RALGAPA1: variants seen among roughly 807,000 people sequenced by gnomAD.
RALGAPA1 encodes Ral GTPase activating protein catalytic subunit alpha 1, also known as ral GTPase-activating protein subunit alpha-1.
In RALGAPA1, 52 loss-of-function variants were observed where a neutral mutation model predicts 269.6. The ratio of observed to expected loss-of-function variants is 0.19; its 90% CI spans 0.15 to 0.24. RALGAPA1 has a LOEUF of 0.24. Among genes scored for constraint, RALGAPA1 ranks in the 10% least tolerant of loss-of-function variants. RALGAPA1 has a pLI of 1.00. For missense variants in RALGAPA1, 1,917 were observed against 3,013.9 expected (o/e 0.64, Z 8.52); for synonymous variants, 817 against 1,008.3 (o/e 0.81, Z 3.60).
intron 3 of RALGAPA1, 42 bp downstream of exon 3, chr14:35,774,964 T>A (rs1056593030): frequency 8.0e-7 from 1 of 1,255,602 alleles, no homozygotes; most frequent in Non-Finnish European, 1.1e-6. Context: ...GTTCCAAAAA[T>A]TATTTTTGAA....
chr14:35,650,697 T>C (rs2062769674), intron 31 of RALGAPA1, among the ~76,000 whole-genome samples: 1 of 152,076 alleles, frequency 6.6e-6, no homozygotes, highest in Admixed American at 6.5e-5. Context: ...AATAAGAACA[T>C]AAGCAGTAAA....
At chr14:35,570,012 G>A (rs570123746) in intron 39 of RALGAPA1, among the ~76,000 whole-genome samples, 4 of 152,236 alleles carry the variant, frequency 2.6e-5, no homozygotes, top group Non-Finnish European at 5.9e-5. Flanking sequence ...GCTCAGGTCT[G>A]TAATCCCAGC....
chr14:35,568,519 G>T (rs1446635845), intron 39 of RALGAPA1, among the ~76,000 whole-genome samples: 1 of 152,122 alleles, frequency 6.6e-6, no homozygotes, highest in Non-Finnish European at 1.5e-5. Context: ...TGTATCTAGG[G>T]AATGAAGCCG....
At chr14:35,752,948 G>A (rs1250162730) in intron 7 of RALGAPA1, among the ~76,000 whole-genome samples, 1 of 152,170 alleles carries the variant, frequency 6.6e-6, no homozygotes, top group African/African-American at 2.4e-5. Context: ...TGTGGTACTA[G>A]ACTAAAATCT....
intron 35 of RALGAPA1, among the ~76,000 whole-genome samples, chr14:35,609,043 G>A (rs567901042): frequency 1.3e-5 from 2 of 152,138 alleles, no homozygotes; most frequent in South Asian, 2.1e-4. Context: ...TGGCTAACAC[G>A]GTGTAACCCC....
At chr14:35,557,098 ATGTGTGTGTGTGTGTGTG>A (rs56835063) in intron 39 of RALGAPA1, among the ~76,000 whole-genome samples, 6 of 142,430 alleles carry the variant, frequency 4.2e-5, no homozygotes, top group South Asian at 4.5e-4. Context: ...TCCAATATGT[ATGTGTGTGTGTGTGTGTG>A]TGTGTGTGTG....
At position 35,788,801 on chromosome 14, in the gene RALGAPA1, C is replaced by T. The variant is rs993071760; in HGVS notation, c.107-13056G>A. ...TACATTATGGACCTTAGTTTATGAA[C>T]CAAATTTCTTTGCACCAATACTTAA... On this transcript the variant is annotated intron_variant, in intron 1 of 41. Coordinates refer to ENST00000680220, the MANE Select transcript of RALGAPA1 (RefSeq NM_001346249.2). 2.6e-5 allele frequency among the ~76,000 whole-genome samples: 4 copies of T among 152,182 alleles called. No individual in the cohort carries two copies. The South Asian group carries it at 8.3e-4, about 32-fold the overall frequency.
intron 35 of RALGAPA1, among the ~76,000 whole-genome samples, chr14:35,609,129 A>C (rs1192483268): frequency 1.3e-5 from 2 of 151,846 alleles, no homozygotes; most frequent in Admixed American, 1.3e-4. Context: ...TGGGAGGCTG[A>C]GGCAGGAGAA....
At position 35,654,487 on chromosome 14, in the gene RALGAPA1, TA is replaced by T. The variant is rs749420748; in HGVS notation, c.5497-11del. ...CTGTTTTATTAGTAAACTGCAATAA[TA>T]AAAAAAAAGTTTTAAAAATTTTCAT... On this transcript the variant is annotated splice_polypyrimidine_tract_variant and intron_variant, in intron 29 of 41. Coordinates refer to ENST00000680220, the MANE Select transcript of RALGAPA1 (RefSeq NM_001346249.2). 1.5e-4 allele frequency: 239 copies of T among 1,566,528 alleles called. No homozygotes were observed. The highest frequency in any genetic ancestry group is 7.1e-4 in the Admixed American group (34 of 48,028).
chr14:35,766,946 G>T, intron 4 of RALGAPA1: 1 of 386,700 alleles, frequency 2.6e-6, no homozygotes, highest in East Asian at 6.7e-5. Context: ...GTTGCCCACA[G>T]GGCTGCCGTT....
chr14:35,737,275 T>C (rs1333771881), intron 12 of RALGAPA1, among the ~76,000 whole-genome samples: 1 of 151,952 alleles, frequency 6.6e-6, no homozygotes, highest in Non-Finnish European at 1.5e-5. Context: ...GTACAAGTAA[T>C]AGGGAGAACA....
At chr14:35,742,265 C>A in intron 11 of RALGAPA1, 103 bp downstream of exon 11, 2 of 886,026 alleles carry the variant, frequency 2.3e-6, no homozygotes, top group Non-Finnish European at 3.5e-6. Context: ...ATATCTTTAT[C>A]TTCCCATTTA....
intron 1 of RALGAPA1, among the ~76,000 whole-genome samples, chr14:35,786,411 G>A (rs375287257): frequency 1.3e-4 from 20 of 151,944 alleles, no homozygotes; most frequent in Admixed American, 3.9e-4. Context: ...AGGCTGAGGC[G>A]GGCGGATCAC....
chr14:35,700,338 A>G (rs1270768389), intron 16 of RALGAPA1, 36 bp from the exon 17 acceptor site: 6 of 1,477,118 alleles, frequency 4.1e-6, no homozygotes, highest in Non-Finnish European at 5.4e-6. Context: ...GGGGAAGGAA[A>G]AAAGAAGAGT....
At chr14:35,603,108 G>A (rs2059394048) in intron 36 of RALGAPA1, among the ~76,000 whole-genome samples, 1 of 152,048 alleles carries the variant, frequency 6.6e-6, no homozygotes, top group Non-Finnish European at 1.5e-5. Context: ...GTCTATCCTT[G>A]TACCAGCAGT....
chr14:35,678,157 G>T, intron 21 of RALGAPA1, 55 bp from the exon 22 acceptor site: 1 of 1,513,784 alleles, frequency 6.6e-7, no homozygotes. Context: ...TCCTACCTAA[G>T]ATGTAATGCT....
chr14:35,778,726 C>T (rs1011104975), intron 1 of RALGAPA1, among the ~76,000 whole-genome samples: 8 of 152,164 alleles, frequency 5.3e-5, no homozygotes, highest in South Asian at 2.1e-4. Context: ...AATAGAACTG[C>T]CTCCTCTTGA....
chr14:35,792,353 C>T (rs2076237052), intron 1 of RALGAPA1, among the ~76,000 whole-genome samples: 1 of 150,858 alleles, frequency 6.6e-6, no homozygotes, highest in African/African-American at 2.4e-5. Context: ...GACGTGGTTT[C>T]ACCATGTTGG....
At chr14:35,766,629 C>T (rs1595482304) in intron 4 of RALGAPA1, 4 of 724,314 alleles carry the variant, frequency 5.5e-6, no homozygotes, top group East Asian at 2.8e-5. Flanking sequence ...TGCAACCAGA[C>T]GAGAAGGGTT....
Sources: allele counts gnomAD v4.1 joint callset (sites outside exome capture counted in the v4.1 genomes callset), GRCh38; gene constraint gnomAD v4.1.1; transcripts MANE v1.5; gene names NCBI Gene and HGNC (gene_info 2026-07-23, HGNC 2026-07-21).